RGS5: variants seen among roughly 807,000 people sequenced by gnomAD.
RGS5 encodes regulator of G-protein signalling 5.
In RGS5, 20 loss-of-function variants were observed where a neutral mutation model predicts 18.9. That is an observed-to-expected ratio of 1.06 (90% CI 0.74 to 1.54). The LOEUF (loss-of-function observed/expected upper bound fraction) is 1.54. Among genes scored for constraint, RGS5 ranks in the 40% most tolerant of loss-of-function variants. The probability of loss-of-function intolerance (pLI) is 0.00; values close to 1 mark genes in which losing one functional copy is unlikely to be tolerated. For missense variants in RGS5, 201 were observed against 211.8 expected (o/e 0.95, Z 0.32); for synonymous variants, 57 against 76.2 (o/e 0.75, Z 1.31).
chr1:163,218,474 A>C, upstream of RGS5, among the ~76,000 whole-genome samples: 1 of 152,216 alleles, frequency 6.6e-6, no homozygotes, highest in South Asian at 2.1e-4. Context: ...TTAAATATTA[A>C]TTTACATGAA....
chr1:163,153,829 C>T (rs28413942), intron 3 of RGS5, among the ~76,000 whole-genome samples: 29 of 150,378 alleles, frequency 1.9e-4, no homozygotes, highest in Admixed American at 4.7e-4. Context: ...ATATTACACA[C>T]ATATATATAT....
chr1:163,160,870 A>G (rs1033905485), intron 3 of RGS5, among the ~76,000 whole-genome samples: 2 of 152,140 alleles, frequency 1.3e-5, no homozygotes, highest in Middle Eastern at 3.2e-3. Flanking sequence ...TTCAACAAAT[A>G]TTTGTTTTCC....
intron 1 of RGS5, among the ~76,000 whole-genome samples, chr1:163,177,941 C>G (rs529538091): frequency 6.6e-6 from 1 of 152,246 alleles, no homozygotes; most frequent in East Asian, 1.9e-4. Flanking sequence ...CCCAAAATCA[C>G]TGAGATACGC....
intron 2 of RGS5, among the ~76,000 whole-genome samples, chr1:163,259,556 A>G (rs1330566042): frequency 3.3e-5 from 5 of 152,166 alleles, no homozygotes; most frequent in African/African-American, 1.2e-4. Flanking sequence ...ATTTTAATGG[A>G]AGGAACCACA....
upstream of RGS5, among the ~76,000 whole-genome samples, chr1:163,205,223 T>C (rs1321330411): frequency 2.0e-5 from 3 of 151,876 alleles, no homozygotes; most frequent in African/African-American, 4.8e-5. Flanking sequence ...GTTTCAGTTA[T>C]GCAAAATGAA....
chr1:163,147,361 T>A lies in RGS5; in HGVS notation c.527A>T (p.Tyr176Phe), dbSNP rs1657172425. The A allele has an allele frequency of 1.9e-6, 3 of 1,601,996 alleles. No homozygotes were observed. Among genetic ancestry groups the A allele is most frequent in the Non-Finnish European group, 2.6e-6 (3 of 1,175,848 alleles). Residue 176 changes from tyrosine (Y) to phenylalanine (F), a missense_variant, in exon 5 of 5, where the codon TAT (tyrosine) becomes TTT (phenylalanine). Coordinates refer to ENST00000313961, the MANE Select transcript of RGS5 (RefSeq NM_003617.4). ...AAATTACTACTTGATTAACTCCTGA[T>A]AAAACTCAGAGCGCACAAAGCGAGG... ...SLPRFVRSEF[Y>F]QELIK
chr1:163,200,840 T>G (rs1445259657), intron 1 of RGS5, among the ~76,000 whole-genome samples: 4 of 152,168 alleles, frequency 2.6e-5, no homozygotes, highest in African/African-American at 7.2e-5. Flanking sequence ...TATATCCTGG[T>G]GCATAAGAAT....
chr1:163,270,127 T>C (rs1557926153), intron 2 of RGS5, among the ~76,000 whole-genome samples: 1 of 152,204 alleles, frequency 6.6e-6, no homozygotes, highest in East Asian at 1.9e-4. Context: ...ACTTCATGAA[T>C]ATAGAGTCGG....
intron 1 of RGS5, among the ~76,000 whole-genome samples, chr1:163,185,525 T>A (rs1023457125): frequency 2.0e-5 from 3 of 152,174 alleles, no homozygotes; most frequent in Non-Finnish European, 4.4e-5. Context: ...TTATCTGTGA[T>A]CCTCCCTTCT....
chr1:163,158,571 G>C (rs1657677562), intron 3 of RGS5, among the ~76,000 whole-genome samples: 1 of 152,090 alleles, frequency 6.6e-6, no homozygotes, highest in Non-Finnish European at 1.5e-5. Context: ...TAATGCCCCT[G>C]AGCTGTAAAA....
intron 1 of RGS5, among the ~76,000 whole-genome samples, chr1:163,175,161 G>A (rs1658491424): frequency 6.6e-6 from 1 of 152,140 alleles, no homozygotes; most frequent in Admixed American, 6.5e-5. Context: ...TAAAACACTC[G>A]CTAGCCGTCA....
Position 163,306,570 on chromosome 1 carries a change from T to C in RGS5, c.-377-241A>G, listed in dbSNP as rs538393953. Among the ~76,000 whole-genome samples, 15 of 152,320 alleles carry C rather than the reference T, an allele frequency of 9.8e-5. No homozygotes were observed. The South Asian group carries it at 1.4e-3, about 15-fold the overall frequency. On this transcript the variant is annotated intron_variant, in intron 1 of 5. Coordinates refer to the RGS5 transcript ENST00000618415. Reference sequence around the variant, plus strand: ...GAGCCATGTTTTATGGGTTGAATTGTGTCCTCTAAAAGAGATATGTTGAAA... The same window carrying C: ...GAGCCATGTTTTATGGGTTGAATTGCGTCCTCTAAAAGAGATATGTTGAAA...
chr1:163,249,921 T>A (rs1425280681), intron 2 of RGS5, among the ~76,000 whole-genome samples: 1 of 152,216 alleles, frequency 6.6e-6, no homozygotes. Context: ...CTAGTTATGA[T>A]TCTCATCTAT....
intron 3 of RGS5, among the ~76,000 whole-genome samples, chr1:163,157,721 T>TGAAGC (rs1415701604): frequency 2.6e-5 from 4 of 151,470 alleles, no homozygotes; most frequent in Admixed American, 2.6e-4. Context: ...AAAGAGATGG[T>TGAAGC]GGTTTGTCTT....
intron 1 of RGS5, among the ~76,000 whole-genome samples, chr1:163,321,017 C>T (rs1301819653): frequency 1.3e-5 from 2 of 152,300 alleles, no homozygotes; most frequent in African/African-American, 4.8e-5. Context: ...AACTTAATGG[C>T]TTTCTCCCCT....
intron 1 of RGS5, among the ~76,000 whole-genome samples, chr1:163,184,480 T>A (rs1658988775): frequency 6.6e-6 from 1 of 150,676 alleles, no homozygotes; most frequent in Non-Finnish European, 1.5e-5. Flanking sequence ...TAGCAAGGCA[T>A]AGACACAGAA....
At chr1:163,204,817 T>G (rs1341987713), upstream of RGS5, among the ~76,000 whole-genome samples, 1 of 152,168 alleles carries the variant, frequency 6.6e-6, no homozygotes, top group South Asian at 2.1e-4. Context: ...GACAAGAGTC[T>G]AAATCATTAT....
chr1:163,247,816 C>T (rs1647987203), intron 2 of RGS5, among the ~76,000 whole-genome samples: 1 of 152,052 alleles, frequency 6.6e-6, no homozygotes, highest in Non-Finnish European at 1.5e-5. Flanking sequence ...AGAAAGGACT[C>T]ATATTTATTC....
At chr1:163,229,913 G>T (rs67513446) in intron 2 of RGS5, among the ~76,000 whole-genome samples, 23,741 of 146,496 alleles carry the variant, frequency 0.16, 2,172 homozygotes, top group Non-Finnish European at 0.21. Context: ...CAGATACCTG[G>T]CTCATAGTAG....
Sources: allele counts gnomAD v4.1 joint callset (sites outside exome capture counted in the v4.1 genomes callset), GRCh38; gene constraint gnomAD v4.1.1; transcripts MANE v1.5; gene names NCBI Gene and HGNC (gene_info 2026-07-23, HGNC 2026-07-21).